GLUD1: variants seen among roughly 807,000 people sequenced by gnomAD.
GLUD1 encodes glutamate dehydrogenase 1, also known as glutamate dehydrogenase 1, mitochondrial.
A neutral mutation model predicts 56.0 loss-of-function variants in GLUD1; 22 were observed. The ratio of observed to expected loss-of-function variants is 0.39; its 90% confidence interval spans 0.28 to 0.56. The LOEUF (loss-of-function observed/expected upper bound fraction) is 0.56, where lower values mean the gene tolerates loss of function less well. GLUD1 is among the 20% of genes least tolerant of loss of function. The pLI is 0.58. For missense variants in GLUD1, 451 were observed against 732.0 expected (o/e 0.62, Z 4.43); for synonymous variants, 223 against 269.9 (o/e 0.83, Z 1.70).
At chr10:87,052,373 G>A (rs1292856148) in intron 12 of GLUD1, among the ~76,000 whole-genome samples, 2 of 151,884 alleles carry the variant, frequency 1.3e-5, no homozygotes, top group African/African-American at 4.8e-5. Context: ...CTGTAATCCC[G>A]GCTACTCGGG....
At chr10:87,080,959 G>A (rs1331410601) in intron 1 of GLUD1, among the ~76,000 whole-genome samples, 2 of 143,902 alleles carry the variant, frequency 1.4e-5, no homozygotes, top group Admixed American at 1.4e-4. Flanking sequence ...CAGCCGCTCC[G>A]AGAGGGAGGT....
chr10:87,055,966 A>G (rs2133783880), intron 11 of GLUD1, among the ~76,000 whole-genome samples: 1 of 151,884 alleles, frequency 6.6e-6, no homozygotes, highest in African/African-American at 2.4e-5. Flanking sequence ...ATACAAAAAA[A>G]TTAGCTGGGT....
intron 5 of GLUD1, among the ~76,000 whole-genome samples, chr10:87,063,941 C>A (rs1846003587): frequency 6.6e-6 from 1 of 151,822 alleles, no homozygotes; most frequent in Non-Finnish European, 1.5e-5. Flanking sequence ...TGCAGTGGCG[C>A]AATTTCGGCT....
chr10:87,057,590 T>C (rs1459956280), intron 11 of GLUD1, 101 bp downstream of exon 11: 1 of 778,476 alleles, frequency 1.3e-6, no homozygotes, highest in African/African-American at 1.7e-5. Context: ...TCAAGCTAAT[T>C]ACAAAGACTA....
At chr10:87,067,475 C>A (rs1022309115) in intron 5 of GLUD1, among the ~76,000 whole-genome samples, 2 of 152,234 alleles carry the variant, frequency 1.3e-5, no homozygotes, top group Admixed American at 1.3e-4. Context: ...ATCCACCTGC[C>A]TTGGCCACCC....
intron 1 of GLUD1, among the ~76,000 whole-genome samples, chr10:87,084,594 T>C (rs570539279): frequency 6.6e-6 from 1 of 152,372 alleles, no homozygotes; most frequent in South Asian, 2.1e-4. Context: ...CACTGTTTTT[T>C]ATAATTAGTC....
At position 87,062,640 on chromosome 10, in the gene GLUD1, T is replaced by C. The variant is rs1589360884; in HGVS notation, c.921+16A>G. 2.5e-6 allele frequency: 4 copies of C among 1,602,880 alleles called. No homozygotes were observed. The East Asian group carries it at 6.7e-5, about 27-fold the overall frequency. ...CTATCAGTTATTAAGGAAACTTTTT[T>C]TGTTTTTGTTTTTACCTGAACAACA... is the stretch of plus-strand genomic sequence containing the variant. On this transcript the variant is annotated intron_variant, in intron 6 of 12. Coordinates refer to ENST00000277865, the MANE Select transcript of GLUD1 (RefSeq NM_005271.5).
chr10:87,094,687 G>A lies in GLUD1; in HGVS notation c.83C>T (p.Ala28Val). 2 of 1,503,508 alleles carry A rather than the reference G, an allele frequency of 1.3e-6. No homozygotes were observed. The highest frequency in any genetic ancestry group is 2.8e-5 in the East Asian group (1 of 35,386). 93.1% of individuals were successfully genotyped at this position (1,503,508 alleles called of 1,614,324 possible). Residue 28 changes from alanine to valine, a missense_variant, in exon 1 of 13, where the codon GCG becomes GTG. Physicochemically the swap from Ala to Val is moderately conservative, Grantham distance 64 (BLOSUM62 0). Transcript: ENST00000277865. The surrounding 1 kb of genome is among the most constrained non-coding windows in gnomAD (Gnocchi z 6.6). Reference sequence around the variant, plus strand: ...CTGTCCCCGGGCCCAGCCCAGCAACGCGGCCGAGTCGGCGGACGCCGAGCC... The same window carrying A: ...CTGTCCCCGGGCCCAGCCCAGCAACACGGCCGAGTCGGCGGACGCCGAGCC... ...ALGSASADSA[A>V]LLGWARGQPA...
chr10:87,067,350 C>T (rs1846105299), intron 5 of GLUD1, among the ~76,000 whole-genome samples: 1 of 152,194 alleles, frequency 6.6e-6, no homozygotes, highest in Non-Finnish European at 1.5e-5. Context: ...GCATGCCTCC[C>T]AGGTAGCTGG....
In GLUD1 at chr10:87,051,208, C is replaced by T. The variant is rs1845623271; in HGVS notation, c.*543G>A. 1 of 181,850 alleles carries T rather than the reference C, an allele frequency of 5.5e-6. No individual in the cohort carries two copies. Among genetic ancestry groups the T allele is most frequent in the East Asian group, 1.6e-4 (1 of 6,354 alleles). The allele number at this position is 181,850 out of a possible 1,614,324, so 11.3% of individuals were successfully genotyped here. A position where few individuals can be genotyped will look rare whatever the true frequency, so the allele number is the denominator to read the frequency against. The stretch of plus-strand genomic sequence containing the variant: ...TACAGCAGCATGTACTTATTCTATT[C>T]TAAAAGAATAATATTCATAAACAGA... On this transcript the variant is annotated 3_prime_UTR_variant, in exon 13 of 13. Transcript: ENST00000277865.
chr10:87,063,365 G>A (rs927414092), intron 5 of GLUD1, among the ~76,000 whole-genome samples: 3 of 152,166 alleles, frequency 2.0e-5, no homozygotes, highest in Admixed American at 6.5e-5. Flanking sequence ...GAGCCACCAC[G>A]CCCGGCAAAG....
At chr10:87,063,152 C>T (rs1267349965) in intron 5 of GLUD1, among the ~76,000 whole-genome samples, 1 of 151,764 alleles carries the variant, frequency 6.6e-6, no homozygotes, top group African/African-American at 2.4e-5. Context: ...TGGCTCATCG[C>T]AACCTCCACC....
chr10:87,074,231 T>C (rs1432259190), intron 4 of GLUD1, among the ~76,000 whole-genome samples: 1 of 152,210 alleles, frequency 6.6e-6, no homozygotes, highest in Non-Finnish European at 1.5e-5. Context: ...CCGGGCACAG[T>C]GGCTCCTATC....
chr10:87,053,028 G>A (rs1379432343), intron 12 of GLUD1, among the ~76,000 whole-genome samples: 5 of 152,144 alleles, frequency 3.3e-5, no homozygotes, highest in Non-Finnish European at 5.9e-5. Flanking sequence ...GTAGACTCCC[G>A]TAGCTATAAC....
At chr10:87,067,594 T>C (rs116131362) in intron 5 of GLUD1, 2 of 176,592 alleles carry the variant, frequency 1.1e-5, no homozygotes, top group African/African-American at 4.8e-5. Flanking sequence ...CTATTGTTTC[T>C]CTTCCTCTTA....
intron 1 of GLUD1, among the ~76,000 whole-genome samples, chr10:87,087,881 G>C (rs1284709034): frequency 6.6e-6 from 1 of 152,128 alleles, no homozygotes; most frequent in Non-Finnish European, 1.5e-5. Context: ...GGGAGTTCGA[G>C]ACCAGCCTGA....
At chr10:87,056,288 G>A (rs919600337) in intron 11 of GLUD1, among the ~76,000 whole-genome samples, 3 of 147,304 alleles carry the variant, frequency 2.0e-5, no homozygotes, top group South Asian at 2.2e-4. Context: ...TGTTTACACC[G>A]TTTCTTTTTT....
chr10:87,090,125 T>A (rs753338039), intron 1 of GLUD1, among the ~76,000 whole-genome samples: 13 of 152,174 alleles, frequency 8.5e-5, no homozygotes, highest in Non-Finnish European at 1.6e-4. Flanking sequence ...GTGTCTAGGA[T>A]TTTTTCAACA....
Position 87,094,755 on chromosome 10 carries a change from C to T in GLUD1, c.15G>A (p.Leu5=), listed in dbSNP as rs954387375. MYRY[L]GEALLLSRAG... ...CCCGGGACAGCAACAGCGCTTCGCC[C>T]AGGTAGCGGTACATGGCCACAAGCG... Residue 5 remains leucine, a synonymous_variant, in exon 1 of 13, where the codon CTG becomes CTA. Coordinates refer to ENST00000277865, the MANE Select transcript of GLUD1 (RefSeq NM_005271.5). The surrounding 1 kb of genome is among the most constrained non-coding windows in gnomAD (Gnocchi z 6.6). 6 of 1,537,764 alleles carry T rather than the reference C, an allele frequency of 3.9e-6. No homozygotes were observed. The Admixed American group carries it at 9.3e-5, about 24-fold the overall frequency.
Sources: allele counts gnomAD v4.1 joint callset (sites outside exome capture counted in the v4.1 genomes callset), GRCh38; gene constraint gnomAD v4.1.1; non-coding constraint Gnocchi (gnomAD v3.1); transcripts MANE v1.5; gene names NCBI Gene and HGNC (gene_info 2026-07-23, HGNC 2026-07-21).